The following MEP1B variants were observed in gnomAD, a reference collection of about 807,000 sequenced individuals.
MEP1B encodes N-benzoyl-L-tyrosyl-P-amino-benzoic acid hydrolase subunit beta.
Under a neutral mutation model 84.6 loss-of-function variants are expected in MEP1B, and 80 were observed. The ratio of observed to expected loss-of-function variants is 0.95; its 90% CI spans 0.79 to 1.14. The LOEUF is 1.14. Among genes scored for constraint, MEP1B ranks in the 50% most tolerant of loss-of-function variants. The pLI is 0.00. For missense variants in MEP1B, 766 were observed against 855.1 expected, an observed-to-expected ratio of 0.90 and a Z score of 1.30; for synonymous variants, 273 against 288.1, an observed-to-expected ratio of 0.95 and a Z score of 0.53.
intron 5 of MEP1B, among the ~76,000 whole-genome samples, chr18:32,202,502 A>T (rs1211075379): frequency 6.6e-6 from 1 of 152,164 alleles, no homozygotes; most frequent in Non-Finnish European, 1.5e-5. Context: ...CCATCTGAAG[A>T]TCCTCAGATT....
intron 10 of MEP1B, 89 bp downstream of exon 10, chr18:32,210,805 A>G: frequency 9.6e-7 from 1 of 1,037,400 alleles, no homozygotes; most frequent in Non-Finnish European, 1.5e-6. Flanking sequence ...ACAATAGGGC[A>G]GGGGCTACTG....
chr18:32,212,086 T>C (rs957052931), intron 10 of MEP1B, among the ~76,000 whole-genome samples: 3 of 148,544 alleles, frequency 2.0e-5, no homozygotes, highest in South Asian at 2.1e-4. Flanking sequence ...ATATAAGCCA[T>C]ATATGTTACT....
rs1441066405 is a variant in MEP1B, at chr18:32,215,131, T to C, written c.1629T>C (p.Ala543=). The C allele has an allele frequency of 2.5e-6, 4 of 1,608,716 alleles. No homozygotes were observed. Among genetic ancestry groups the C allele is most frequent in the Non-Finnish European group, 3.4e-6 (4 of 1,177,150 alleles). The change falls in exon 12 of 15, where the codon GCT becomes GCC. Residue 543 remains alanine (A), a synonymous_variant. Transcript: ENST00000269202. The part of the protein sequence containing the change: ...WDRPSKVGTV[A]LFSNGTQFRR... ...GGCCTTCTAAAGTGGGAACAGTGGC[T>C]TTGTTCTCTAATGGAACTCAGTTTA... is the stretch of plus-strand genomic sequence containing the variant.
At chr18:32,220,200 T>G in intron 14 of MEP1B, 31 bp from the exon 15 acceptor site, 1 of 1,585,910 alleles carries the variant, frequency 6.3e-7, no homozygotes, top group Non-Finnish European at 8.6e-7. Context: ...AATTTAGAAA[T>G]TAAATCATCA....
chr18:32,207,288 T>C lies in MEP1B; in HGVS notation c.584T>C (p.Ile195Thr), dbSNP rs772939852. 7 of 1,613,050 alleles carry C rather than the reference T, an allele frequency of 4.3e-6. No individual in the cohort carries two copies. The change falls in exon 8 of 15, where the codon ATA becomes ACA. Residue 195 changes from isoleucine (I) to threonine (T), a missense_variant. Coordinates refer to ENST00000269202, the MANE Select transcript of MEP1B (RefSeq NM_005925.3). ...AATTTTAACACCTATAGTGACGATA[T>C]ATCAGATTCCCTGAATGTTCCCTAT... ...EHNFNTYSDD[I>T]SDSLNVPYDY...
intron 5 of MEP1B, among the ~76,000 whole-genome samples, chr18:32,198,302 T>G (rs1350173443): frequency 2.0e-5 from 3 of 152,282 alleles, no homozygotes; most frequent in African/African-American, 7.2e-5. Flanking sequence ...CTGAGAGAAA[T>G]GAATGAAGAA....
Position 32,196,110 on chromosome 18 carries a change from G to A in MEP1B, c.250+625G>A, listed in dbSNP as rs1380563866. The stretch of plus-strand genomic sequence containing the variant: ...CTGGTGCCCCCGCTGGCTCGGGCTC[G>A]GTGGCCTTGGGCTCCTTGGCCTCAT... On this transcript the variant is annotated intron_variant, in intron 5 of 14. Transcript: ENST00000269202. This position sits in a 1 kb window ranked among gnomAD's most constrained non-coding sequence, Gnocchi z 4.4. 3.8e-5 allele frequency: 19 copies of A among 493,736 alleles called. No homozygotes were observed. The highest frequency in any genetic ancestry group is 6.3e-5 in the Admixed American group (2 of 31,526). 30.6% of individuals were successfully genotyped at this position (493,736 alleles called of 1,614,324 possible).
chr18:32,193,994 G>A (rs1196631187), intron 4 of MEP1B, among the ~76,000 whole-genome samples: 2 of 152,014 alleles, frequency 1.3e-5, no homozygotes, highest in Non-Finnish European at 2.9e-5. Context: ...CAAACCTAAG[G>A]TGTCCTCTGA....
In MEP1B at chr18:32,213,603, C is replaced by G. The variant is rs751665427; in HGVS notation, c.1579+44C>G. 27 of 1,415,230 alleles carry G rather than the reference C, an allele frequency of 1.9e-5. No homozygotes were observed. In the South Asian group the frequency reaches 3.2e-4, roughly 17 times the overall value. 87.7% of individuals were successfully genotyped at this position (1,415,230 alleles called of 1,614,324 possible). On this transcript the variant is annotated intron_variant, in intron 11 of 14. Coordinates refer to ENST00000269202, the MANE Select transcript of MEP1B (RefSeq NM_005925.3). ...TTATTGCTAATAAACAATCATTGCT[C>G]TAGGAGGGACTGATAATTTTGGGAA...
At chr18:32,211,143 C>G (rs2041022798) in intron 10 of MEP1B, among the ~76,000 whole-genome samples, 1 of 152,098 alleles carries the variant, frequency 6.6e-6, no homozygotes, top group Non-Finnish European at 1.5e-5. Context: ...TGGCACACGC[C>G]TATAGTCCCA....
At chr18:32,190,917 C>T (rs60487427) in intron 1 of MEP1B, among the ~76,000 whole-genome samples, 9,551 of 152,070 alleles carry the variant, frequency 0.063, 331 homozygotes, top group South Asian at 0.14. Context: ...TTTTGTTAAA[C>T]GCTCCAAATG....
chr18:32,204,504 G>A, intron 7 of MEP1B, 144 bp downstream of exon 7: 1 of 718,568 alleles, frequency 1.4e-6, no homozygotes, highest in Non-Finnish European at 2.3e-6. Flanking sequence ...AACTCATTCT[G>A]AGTTATTGGA....
Position 32,215,030 on chromosome 18 carries a change from A to G in MEP1B, c.1580-52A>G, listed in dbSNP as rs1598897474. On this transcript the variant is annotated intron_variant, in intron 11 of 14. Transcript: ENST00000269202. Reference sequence around the variant, plus strand: ...ACATTGCCTGTTCTTTCCTACCACCAAAAGCTACGATGATGATAAACACAC... The same window carrying G: ...ACATTGCCTGTTCTTTCCTACCACCGAAAGCTACGATGATGATAAACACAC... The G allele has an allele frequency of 2.2e-5, 30 of 1,353,492 alleles. No homozygotes were observed. The East Asian group carries it at 6.9e-4, about 31-fold the overall frequency. 83.8% of individuals were successfully genotyped at this position (1,353,492 alleles called of 1,614,324 possible). A position where few individuals can be genotyped will look rare whatever the true frequency, so the allele number is the denominator to read the frequency against.
In MEP1B at chr18:32,216,996, T is replaced by A. The variant is rs558844934; in HGVS notation, c.1765T>A (p.Ser589Thr). Residue 589 changes from serine to threonine, a missense_variant, in exon 13 of 15, where the codon TCT (serine) becomes ACT (threonine). Transcript: ENST00000269202. ...ACTCTTCCCCATCTTCCTAGACATA[T>A]CTCACCTCAACTCTACACAAATCCA... Reference protein sequence around the residue: ...VYILLTVEDISHLNSTQIQLT... With the variant: ...VYILLTVEDITHLNSTQIQLT... The A allele has an allele frequency of 3.7e-5, 60 of 1,613,570 alleles. No individual in the cohort carries two copies. The highest frequency in any genetic ancestry group is 4.7e-5 in the Non-Finnish European group (56 of 1,179,768).
At chr18:32,209,777 C>G (rs565583722) in intron 9 of MEP1B, among the ~76,000 whole-genome samples, 1 of 150,148 alleles carries the variant, frequency 6.7e-6, no homozygotes, top group East Asian at 1.9e-4. Context: ...TTTTTTGTGA[C>G]AGTTTGAAGC....
chr18:32,217,834 G>T lies in MEP1B; in HGVS notation c.1960G>T (p.Val654Phe). ...GAGAGGCTCCACCCGAGACACCATA[G>T]TCATTGCTGTTTCATCTACTGTTGC... ...EKRGSTRDTI[V>F]IAVSSTVAVF... The change falls in exon 14 of 15, where the codon GTC (valine) becomes TTC (phenylalanine). Residue 654 changes from valine (V) to phenylalanine (F), a missense_variant. Val to Phe is a conservative substitution (Grantham distance 50). Transcript: ENST00000269202. 1 of 1,613,984 alleles carries T rather than the reference G, an allele frequency of 6.2e-7. No individual in the cohort carries two copies. The highest frequency in any genetic ancestry group is 8.5e-7 in the Non-Finnish European group (1 of 1,179,880).
chr18:32,199,641 T>C (rs1212332747), intron 5 of MEP1B, among the ~76,000 whole-genome samples: 1 of 151,836 alleles, frequency 6.6e-6, no homozygotes, highest in African/African-American at 2.4e-5. Flanking sequence ...TCTTTTGTTT[T>C]AATTCTTCCT....
chr18:32,198,595 G>A (rs951308877), intron 5 of MEP1B, among the ~76,000 whole-genome samples: 1 of 152,172 alleles, frequency 6.6e-6, no homozygotes, highest in Non-Finnish European at 1.5e-5. Context: ...GCTAAGTCCT[G>A]AAGAAGGGAG....
intron 2 of MEP1B, among the ~76,000 whole-genome samples, chr18:32,192,049 G>C (rs928938349): frequency 2.0e-5 from 3 of 152,044 alleles, no homozygotes; most frequent in African/African-American, 7.2e-5. Flanking sequence ...GTATAGGAAA[G>C]GCCAAGCACA....
Sources: allele counts gnomAD v4.1 joint callset (sites outside exome capture counted in the v4.1 genomes callset), GRCh38; gene constraint gnomAD v4.1.1; non-coding constraint Gnocchi (gnomAD v3.1); transcripts MANE v1.5; gene names NCBI Gene and HGNC (gene_info 2026-07-23, HGNC 2026-07-21).